PTPRK: variants seen among roughly 807,000 people sequenced by gnomAD.
The protein encoded by PTPRK is receptor-type tyrosine-protein phosphatase kappa.
In PTPRK, 75 loss-of-function variants were observed where a neutral mutation model predicts 178.0. That is an observed-to-expected ratio of 0.42 (90% CI 0.35 to 0.51). PTPRK has a LOEUF of 0.51. Among genes scored for constraint, PTPRK ranks in the 20% least tolerant of loss-of-function variants. The pLI is 0.02. For missense variants in PTPRK, 1,441 were observed against 1,797.8 expected, an observed-to-expected ratio of 0.80 and a Z score of 3.59; for synonymous variants, 637 against 620.6, an observed-to-expected ratio of 1.03 and a Z score of -0.39.
chr6:128,156,541 G>A (rs1406779265), intron 7 of PTPRK, among the ~76,000 whole-genome samples: 1 of 151,898 alleles, frequency 6.6e-6, no homozygotes, highest in Non-Finnish European at 1.5e-5. Context: ...ACCAGATCTT[G>A]TAAGAACTTA....
At chr6:128,114,532 A>G (rs1447712046) in intron 7 of PTPRK, among the ~76,000 whole-genome samples, 1 of 150,664 alleles carries the variant, frequency 6.6e-6, no homozygotes, top group African/African-American at 2.4e-5. Context: ...AGGCAAGAGA[A>G]TTGCTTGAAC....
At chr6:128,296,686 T>C (rs1480818255) in intron 3 of PTPRK, among the ~76,000 whole-genome samples, 1 of 152,104 alleles carries the variant, frequency 6.6e-6, no homozygotes, top group Non-Finnish European at 1.5e-5. Context: ...AGAGATTTTG[T>C]CACCACCAGG....
chr6:128,071,217 A>G (rs2114957443), intron 11 of PTPRK, among the ~76,000 whole-genome samples: 1 of 152,002 alleles, frequency 6.6e-6, no homozygotes, highest in South Asian at 2.1e-4. Context: ...GCCCCTCTCA[A>G]GTTTGATACA....
chr6:128,150,919 A>G (rs1258950499), intron 7 of PTPRK, among the ~76,000 whole-genome samples: 1 of 152,196 alleles, frequency 6.6e-6, no homozygotes, highest in Non-Finnish European at 1.5e-5. Flanking sequence ...TAGCATGCAT[A>G]GTATTTGGCA....
intron 3 of PTPRK, among the ~76,000 whole-genome samples, chr6:128,299,972 A>G (rs1825281349): frequency 6.6e-6 from 1 of 152,148 alleles, no homozygotes; most frequent in Non-Finnish European, 1.5e-5. Flanking sequence ...CAACCTACTC[A>G]TCTGACAAAG....
intron 3 of PTPRK, among the ~76,000 whole-genome samples, chr6:128,300,311 G>A (rs59132771): frequency 6.6e-6 from 1 of 151,852 alleles, no homozygotes; most frequent in Non-Finnish European, 1.5e-5. Flanking sequence ...GAAGTCAGTG[G>A]GGGGATTCCT....
At chr6:128,043,277 AC>A (rs1231398155) in intron 13 of PTPRK, among the ~76,000 whole-genome samples, 1 of 152,042 alleles carries the variant, frequency 6.6e-6, no homozygotes, top group African/African-American at 2.4e-5. Context: ...TTCTACATGG[AC>A]AGTGTGAAAT....
intron 13 of PTPRK, among the ~76,000 whole-genome samples, chr6:128,046,235 G>C (rs1244719277): frequency 6.6e-6 from 1 of 152,030 alleles, no homozygotes; most frequent in Non-Finnish European, 1.5e-5. Flanking sequence ...CTGAGTTCAG[G>C]AAAAGAAAAA....
At chr6:128,161,759 T>C (rs1461299652) in intron 7 of PTPRK, among the ~76,000 whole-genome samples, 1 of 151,656 alleles carries the variant, frequency 6.6e-6, no homozygotes, top group Non-Finnish European at 1.5e-5. Flanking sequence ...TACTCTTATA[T>C]GCTTATATTT....
At chr6:128,496,448 G>T (rs1203343345) in intron 1 of PTPRK, among the ~76,000 whole-genome samples, 1 of 152,002 alleles carries the variant, frequency 6.6e-6, no homozygotes, top group Admixed American at 6.6e-5. Context: ...ATGGTTCCTC[G>T]CAGAATGTTG....
At chr6:128,194,066 AT>A (rs11332852) in intron 6 of PTPRK, among the ~76,000 whole-genome samples, 6,358 of 79,298 alleles carry the variant, frequency 0.08, 174 homozygotes, top group African/African-American at 0.16. Flanking sequence ...TTATATATAT[AT>A]TATTATTATT....
intron 1 of PTPRK, among the ~76,000 whole-genome samples, chr6:128,505,099 A>G (rs1301744174): frequency 6.8e-6 from 1 of 146,502 alleles, no homozygotes; most frequent in Non-Finnish European, 1.5e-5. Flanking sequence ...AACTTAAGAA[A>G]TTTACTTGTT....
At chr6:128,249,083 T>C (rs1354310179) in intron 3 of PTPRK, among the ~76,000 whole-genome samples, 2 of 152,080 alleles carry the variant, frequency 1.3e-5, no homozygotes. Context: ...GTTTCCATTA[T>C]ATGACTACAA....
chr6:128,443,556 A>G (rs1368033415), intron 1 of PTPRK, among the ~76,000 whole-genome samples: 2 of 152,210 alleles, frequency 1.3e-5, no homozygotes, highest in Non-Finnish European at 2.9e-5. Flanking sequence ...CAAGTGGCAG[A>G]GACTAAAACG....
Position 128,052,300 on chromosome 6 carries a change from C to T in PTPRK, c.2194+12458G>A, listed in dbSNP as rs186141465. ...TTCCTATAGATCACAAAATGACGTTCAAACTTAAGAAAATTAACTACTGTC... is the reference window on the plus strand; with the variant it reads ...TTCCTATAGATCACAAAATGACGTTTAAACTTAAGAAAATTAACTACTGTC... On this transcript the variant is annotated intron_variant, in intron 13 of 29. Coordinates refer to ENST00000368226, the MANE Select transcript of PTPRK (RefSeq NM_002844.4). Among the ~76,000 whole-genome samples, 125 of 152,220 alleles carry T rather than the reference C, an allele frequency of 8.2e-4. 1 individual carries two copies. The highest frequency in any genetic ancestry group is 3.0e-3 in the African/African-American group (123 of 41,548).
intron 29 of PTPRK, among the ~76,000 whole-genome samples, chr6:127,972,811 T>C (rs1191784209): frequency 6.6e-6 from 1 of 151,986 alleles, no homozygotes; most frequent in Non-Finnish European, 1.5e-5. Flanking sequence ...TAAATGAAAA[T>C]AGTTTCATGA....
chr6:128,240,199 T>C (rs764832605), intron 4 of PTPRK, 49 bp from the exon 5 acceptor site: 2 of 1,327,692 alleles, frequency 1.5e-6, no homozygotes, highest in East Asian at 2.3e-5. Context: ...ATGAAGAAAA[T>C]ATGCCATGTT....
chr6:128,011,167 T>C (rs1422209911), intron 13 of PTPRK, among the ~76,000 whole-genome samples: 1 of 151,248 alleles, frequency 6.6e-6, no homozygotes, highest in Non-Finnish European at 1.5e-5. Flanking sequence ...CCACAGATAC[T>C]ACTTCAAATA....
At chr6:128,282,216 C>T (rs1768360) in intron 3 of PTPRK, among the ~76,000 whole-genome samples, 23,644 of 152,026 alleles carry the variant, frequency 0.16, 3,262 homozygotes, top group African/African-American at 0.37. Context: ...GTAGAAAAGG[C>T]AATGCAGCTA....
Sources: allele counts gnomAD v4.1 joint callset (sites outside exome capture counted in the v4.1 genomes callset), GRCh38; gene constraint gnomAD v4.1.1; transcripts MANE v1.5; gene names NCBI Gene and HGNC (gene_info 2026-07-23, HGNC 2026-07-21).